The following EYS variants were observed in gnomAD, a reference collection of about 807,000 sequenced individuals.
The protein encoded by EYS is EGF-like photoreceptor maintenance factor.
EYS carries 250 observed loss-of-function variants against 282.1 expected under a neutral mutation model. That is an observed-to-expected ratio of 0.89 (90% CI 0.80 to 0.98). EYS has a LOEUF of 0.98. Ranked by LOEUF, EYS falls within the 50% of genes least tolerant of loss-of-function variation. The probability of loss-of-function intolerance (pLI) is 0.00; values close to 1 mark genes in which losing one functional copy is unlikely to be tolerated. For synonymous variants in EYS, 1,355 were observed against 1,282.9 expected (o/e 1.06, Z -1.20); for missense variants, 4,016 against 3,709.0 (o/e 1.08, Z -2.15).
At chr6:64,251,095 C>T (rs1158923527) in intron 30 of EYS, among the ~76,000 whole-genome samples, 1 of 152,104 alleles carries the variant, frequency 6.6e-6, no homozygotes, top group East Asian at 1.9e-4. Context: ...CTGATATGAA[C>T]GTTTATTAAT....
intron 19 of EYS, among the ~76,000 whole-genome samples, chr6:64,865,043 A>T (rs1766383795): frequency 6.6e-6 from 1 of 152,068 alleles, no homozygotes; most frequent in African/African-American, 2.4e-5. Flanking sequence ...AAAAAAAGAA[A>T]TTAATAATGT....
intron 19 of EYS, among the ~76,000 whole-genome samples, chr6:64,882,851 T>C (rs1409367843): frequency 6.6e-6 from 1 of 151,528 alleles, no homozygotes; most frequent in Non-Finnish European, 1.5e-5. Flanking sequence ...GGTGAGCAAG[T>C]AGATTTGGGG....
intron 32 of EYS, among the ~76,000 whole-genome samples, chr6:64,067,725 T>C (rs917483712): frequency 2.0e-5 from 3 of 152,152 alleles, no homozygotes; most frequent in Non-Finnish European, 4.4e-5. Context: ...GGTTCAGTAC[T>C]ATCCACAGTT....
chr6:65,062,498 AGAG>A, intron 12 of EYS, among the ~76,000 whole-genome samples: 1 of 152,066 alleles, frequency 6.6e-6, no homozygotes, highest in South Asian at 2.1e-4. Context: ...CAACACATCC[AGAG>A]TAATTTTTTT....
intron 36 of EYS, among the ~76,000 whole-genome samples, chr6:63,856,620 G>T (rs776915249): frequency 6.6e-5 from 10 of 152,164 alleles, no homozygotes; most frequent in Non-Finnish European, 1.3e-4. Flanking sequence ...TTTAGTGTAA[G>T]TAGAAACTGC....
At chr6:64,603,861 CTGTGTGTGTGTGTGTGTGTG>C (rs34430318) in intron 24 of EYS, among the ~76,000 whole-genome samples, 2,393 of 148,270 alleles carry the variant, frequency 0.016, 33 homozygotes, top group East Asian at 0.066. Flanking sequence ...AAATGAATAC[CTGTGTGTGTGTGTGTGTGTG>C]TGTGTGTGTG....
chr6:64,957,959 T>C (rs1276892438), intron 14 of EYS, among the ~76,000 whole-genome samples: 1 of 152,084 alleles, frequency 6.6e-6, no homozygotes. Context: ...TGAGATAATA[T>C]AAAGAAACGT....
chr6:64,388,123 A>G (rs1024924743), intron 29 of EYS, among the ~76,000 whole-genome samples: 1 of 152,156 alleles, frequency 6.6e-6, no homozygotes, highest in South Asian at 2.1e-4. Context: ...ATAAAATGGA[A>G]CCAAATAATA....
intron 9 of EYS, among the ~76,000 whole-genome samples, chr6:65,353,000 G>C (rs9453264): frequency 6.6e-6 from 1 of 151,552 alleles, no homozygotes; most frequent in Non-Finnish European, 1.5e-5. Flanking sequence ...CTCTCTTCAG[G>C]GGTCATTTTC....
intron 12 of EYS, among the ~76,000 whole-genome samples, chr6:65,087,973 C>A (rs1422388850): frequency 6.6e-6 from 1 of 152,058 alleles, no homozygotes; most frequent in Non-Finnish European, 1.5e-5. Context: ...CTTGTGAGAT[C>A]TGATGGTTTT....
At position 65,140,952 on chromosome 6, in the gene EYS, G is replaced by A. The variant is rs1764321928; in HGVS notation, c.2024-83225C>T. Among the ~76,000 whole-genome samples the A allele has an allele frequency of 3.3e-5, 5 of 151,128 alleles. No homozygotes were observed. In the South Asian group the frequency reaches 1.0e-3, roughly 32 times the overall value. ...AGTGTGGCGATTCCTCAGGGATCTA[G>A]AACTAGAAATACCATTTGACCCAGC... On this transcript the variant is annotated intron_variant, in intron 12 of 42. Transcript: ENST00000503581.
rs538819801 is a variant in EYS, at chr6:65,567,310, TAA to T, written c.-332-71319_-332-71318del. Among the ~76,000 whole-genome samples, 774 of 149,628 alleles carry T rather than the reference TAA, an allele frequency of 5.2e-3. 3 individuals carry two copies. The highest frequency in any genetic ancestry group is 0.017 in the African/African-American group (695 of 41,076). On this transcript the variant is annotated intron_variant, in intron 2 of 42. Transcript: ENST00000503581. ...ATAATATAAACATATAAATTAAATA[TAA>T]GTTACCTGTTCTAACAGATACATTT... is the stretch of plus-strand genomic sequence containing the variant.
At chr6:65,288,683 G>A (rs1768438176) in intron 12 of EYS, among the ~76,000 whole-genome samples, 1 of 151,006 alleles carries the variant, frequency 6.6e-6, no homozygotes, top group East Asian at 1.9e-4. Context: ...AGATAAATAA[G>A]GGCAATAAAA....
At chr6:65,644,579 A>C (rs2149815119) in intron 1 of EYS, among the ~76,000 whole-genome samples, 1 of 152,358 alleles carries the variant, frequency 6.6e-6, no homozygotes. Context: ...TGGGAAATTC[A>C]TCGCAAAAAG....
chr6:64,403,037 T>C, intron 28 of EYS, among the ~76,000 whole-genome samples: 1 of 152,270 alleles, frequency 6.6e-6, no homozygotes, highest in Middle Eastern at 3.4e-3. Context: ...TGTAAAACAA[T>C]ACTCAATAAT....
At chr6:65,641,377 T>C (rs1767269773) in intron 1 of EYS, among the ~76,000 whole-genome samples, 1 of 152,208 alleles carries the variant, frequency 6.6e-6, no homozygotes, top group Admixed American at 6.5e-5. Context: ...GACACAGATG[T>C]CTCCACTAGT....
In EYS at chr6:65,150,032, C is replaced by G. The variant is rs569932720; in HGVS notation, c.2024-92305G>C. Among the ~76,000 whole-genome samples the G allele has an allele frequency of 1.6e-3, 250 of 152,062 alleles. 4 individuals are homozygous for G. Among genetic ancestry groups the G allele is most frequent in the Middle Eastern group, 6.8e-3 (2 of 294 alleles). Reference sequence around the variant, plus strand: ...AAAACCATCAGATCTCAGGAGAACTCACTATCATGAGAACAGCATGGGGGA... The same window carrying G: ...AAAACCATCAGATCTCAGGAGAACTGACTATCATGAGAACAGCATGGGGGA... On this transcript the variant is annotated intron_variant, in intron 12 of 42. Transcript: ENST00000503581.
chr6:64,323,684 C>T (rs1770300788), intron 29 of EYS, among the ~76,000 whole-genome samples: 1 of 152,124 alleles, frequency 6.6e-6, no homozygotes, highest in Admixed American at 6.6e-5. Context: ...GAAATCAATA[C>T]ATCAAAACTA....
chr6:63,741,180 C>T (rs1769066610), intron 41 of EYS, among the ~76,000 whole-genome samples: 1 of 152,160 alleles, frequency 6.6e-6, no homozygotes, highest in Non-Finnish European at 1.5e-5. Context: ...ATTCAAGTTA[C>T]TTCTAAATTA....
Sources: gnomAD v4.1 joint callset for allele counts (sites outside exome capture counted in the v4.1 genomes callset) on GRCh38, gnomAD v4.1.1 for gene constraint, MANE v1.5 for transcripts, NCBI Gene and HGNC (gene_info 2026-07-23, HGNC 2026-07-21) for gene names.